Variants in ARFGEF2 observed in about 807,000 individuals in gnomAD.
ARFGEF2 encodes brefeldin A-inhibited guanine nucleotide-exchange protein 2.
In ARFGEF2, 74 loss-of-function variants were observed where a neutral mutation model predicts 219.9. The ratio of observed to expected loss-of-function variants is 0.34; its 90% CI spans 0.28 to 0.41. ARFGEF2 has a LOEUF of 0.41. Among genes scored for constraint, ARFGEF2 ranks in the 10% least tolerant of loss-of-function variants. ARFGEF2 has a pLI of 1.00. For missense variants in ARFGEF2, 1,743 were observed against 2,218.3 expected, an observed-to-expected ratio of 0.79 and a Z score of 4.30; for synonymous variants, 733 against 799.2, an observed-to-expected ratio of 0.92 and a Z score of 1.40.
intron 3 of ARFGEF2, among the ~76,000 whole-genome samples, chr20:48,944,013 A>T (rs1186108273): frequency 1.3e-5 from 2 of 152,200 alleles, no homozygotes; most frequent in Non-Finnish European, 2.9e-5. Context: ...CTCTGGTCTA[A>T]TATTTACTCT....
At chr20:48,930,996 G>C (rs948264313) in intron 1 of ARFGEF2, among the ~76,000 whole-genome samples, 7 of 152,302 alleles carry the variant, frequency 4.6e-5, no homozygotes, top group Admixed American at 4.6e-4. Flanking sequence ...AGGTCAGTAA[G>C]GTGAAATGCT....
chr20:49,009,806 G>T (rs1323402431), intron 26 of ARFGEF2, among the ~76,000 whole-genome samples: 1 of 152,176 alleles, frequency 6.6e-6, no homozygotes, highest in Non-Finnish European at 1.5e-5. Flanking sequence ...ATTATCTCTA[G>T]GTGGCAGAAT....
chr20:48,987,897 C>T (rs1002550770), intron 16 of ARFGEF2, among the ~76,000 whole-genome samples: 2 of 152,178 alleles, frequency 1.3e-5, no homozygotes, highest in Admixed American at 1.3e-4. Flanking sequence ...AGGCAATTCT[C>T]CTGCCTCAGT....
At chr20:49,009,899 G>A (rs2091485827) in intron 26 of ARFGEF2, among the ~76,000 whole-genome samples, 1 of 152,182 alleles carries the variant, frequency 6.6e-6, no homozygotes, top group Non-Finnish European at 1.5e-5. Flanking sequence ...TTCGTAACAA[G>A]AAAGAAGTCA....
rs748682883 is a variant in ARFGEF2 at position 48,994,532 on chromosome 20, C to A, written c.3055C>A (p.Arg1019Ser). The stretch of plus-strand genomic sequence containing the variant: ...GACGCGCTACCTGTCTGGATCTGGG[C>A]GTGAAAGAGAAGGGAGCCTGAAGGG... ...VKTRYLSGSGREREGSLKGHT... is the reference protein window; with the variant it reads ...VKTRYLSGSGSEREGSLKGHT... The change falls in exon 22 of 39, where the codon CGT (arginine) becomes AGT (serine). Residue 1019 changes from arginine to serine, a missense_variant. Coordinates refer to ENST00000371917, the MANE Select transcript of ARFGEF2 (RefSeq NM_006420.3). 1.9e-6 allele frequency: 3 copies of A among 1,613,996 alleles called. No homozygotes were observed. Among genetic ancestry groups the A allele is most frequent in the Admixed American group, 3.3e-5 (2 of 59,996 alleles).
In ARFGEF2 at chr20:48,987,067, G is replaced by T. The variant is rs2091330609; in HGVS notation, c.2277-1237G>T. ...TTTGTTTTCATATTAATTGCTCCCA[G>T]TCTTCCAAGTGTATGGCAGGCTGTC... On this transcript the variant is annotated intron_variant, in intron 16 of 38. Transcript: ENST00000371917. 1.3e-5 allele frequency among the ~76,000 whole-genome samples: 2 copies of T among 152,140 alleles called. 1 individual carries two copies. Among genetic ancestry groups the T allele is most frequent in the Admixed American group, 1.3e-4 (2 of 15,270 alleles).
chr20:48,952,917 A>G, intron 5 of ARFGEF2, 33 bp downstream of exon 5: 1 of 1,608,660 alleles, frequency 6.2e-7, no homozygotes, highest in Non-Finnish European at 8.5e-7. Flanking sequence ...TAGGGGCAAG[A>G]CATCATTGCT....
intron 19 of ARFGEF2, 56 bp downstream of exon 19, chr20:48,989,492 C>T: frequency 1.2e-6 from 2 of 1,614,194 alleles, no homozygotes; most frequent in Non-Finnish European, 1.7e-6. Flanking sequence ...TGAAGCTGGC[C>T]AGCGAGAAGT....
intron 3 of ARFGEF2, among the ~76,000 whole-genome samples, chr20:48,942,357 C>T (rs528127316): frequency 6.6e-6 from 1 of 152,060 alleles, no homozygotes; most frequent in South Asian, 2.1e-4. Context: ...GCTATGTTGC[C>T]CAGGCTGGTC....
intron 26 of ARFGEF2, among the ~76,000 whole-genome samples, chr20:49,009,933 C>G (rs1468044008): frequency 4.6e-5 from 7 of 152,234 alleles, no homozygotes; most frequent in Non-Finnish European, 1.0e-4. Flanking sequence ...AACTTTGGTT[C>G]CATGGCCTGG....
rs1394516987 is a variant in ARFGEF2, at chr20:49,016,295, A to G, written c.4195A>G (p.Thr1399Ala). ...GTTTTCCCAGAAATCTGAGTGGATG[A>G]CAACAACCTGCAATCACGCACTTTA... ...EQLSEKSEWM[T>A]TTCNHALYAI... is the part of the protein sequence containing the mutation. The change falls in exon 31 of 39, where the codon ACA (threonine) becomes GCA (alanine). Residue 1399 changes from threonine (T) to alanine (A), a missense_variant. Thr to Ala is a moderately conservative substitution (Grantham distance 58, BLOSUM62 0). Coordinates refer to ENST00000371917, the MANE Select transcript of ARFGEF2 (RefSeq NM_006420.3). 2 of 1,614,036 alleles carry G rather than the reference A, an allele frequency of 1.2e-6. No homozygotes were observed. Among genetic ancestry groups the G allele is most frequent in the Non-Finnish European group, 1.7e-6 (2 of 1,179,980 alleles).
chr20:48,996,693 G>A (rs1359504604), intron 23 of ARFGEF2, among the ~76,000 whole-genome samples: 1 of 150,016 alleles, frequency 6.7e-6, no homozygotes, highest in African/African-American at 2.5e-5. Flanking sequence ...GTAGTGGGCC[G>A]AGATCGCGCC....
chr20:49,021,993 C>A (rs1307139654), intron 34 of ARFGEF2, among the ~76,000 whole-genome samples: 1 of 151,108 alleles, frequency 6.6e-6, no homozygotes, highest in Non-Finnish European at 1.5e-5. Context: ...CCTAAAATTA[C>A]AAAAAACTAG....
Position 49,016,393 on chromosome 20 carries a change from A to G in ARFGEF2, c.4293A>G (p.Gln1431=), listed in dbSNP as rs766942298. ...TTCTTCTTTCTGATGTATTTGCACA[A>G]TTGCAGTGGTGTGTCAAACAAGGTA... ...NEVLLSDVFA[Q]LQWCVKQDNE... Residue 1431 remains glutamine, a synonymous_variant, in exon 31 of 39, where the codon CAA becomes CAG. Coordinates refer to ENST00000371917, the MANE Select transcript of ARFGEF2 (RefSeq NM_006420.3). 5.0e-6 allele frequency: 8 copies of G among 1,613,266 alleles called. No individual in the cohort carries two copies. The highest frequency in any genetic ancestry group is 1.7e-4 in the Middle Eastern group (1 of 6,054).
At chr20:48,925,326 C>G (rs745537576) in intron 1 of ARFGEF2, among the ~76,000 whole-genome samples, 1 of 152,184 alleles carries the variant, frequency 6.6e-6, no homozygotes, top group Non-Finnish European at 1.5e-5. Context: ...TACTGTTGCT[C>G]TTTACCTTGT....
chr20:49,012,009 C>A lies in ARFGEF2; in HGVS notation c.3843C>A (p.Ala1281=). ...GCTTATCAGAGTTCGCCTGCAACGCCGCTTTCCCTGACACGAGCATGGAAG... is the reference window on the plus strand; with the variant it reads ...GCTTATCAGAGTTCGCCTGCAACGCAGCTTTCCCTGACACGAGCATGGAAG... ...VKCLSEFACN[A]AFPDTSMEAI... Residue 1281 remains alanine, a synonymous_variant, in exon 28 of 39, where the codon GCC becomes GCA. Coordinates refer to ENST00000371917, the MANE Select transcript of ARFGEF2 (RefSeq NM_006420.3). The A allele has an allele frequency of 6.2e-7, 1 of 1,614,228 alleles. No homozygotes were observed.
At chr20:48,998,963 C>T (rs972475769) in intron 25 of ARFGEF2, among the ~76,000 whole-genome samples, 10 of 152,102 alleles carry the variant, frequency 6.6e-5, no homozygotes, top group Admixed American at 6.6e-4. Flanking sequence ...TTGGGCCGGG[C>T]GTAGTGGCTC....
chr20:48,933,294 C>A (rs2090924919), intron 1 of ARFGEF2, among the ~76,000 whole-genome samples: 1 of 152,192 alleles, frequency 6.6e-6, no homozygotes, highest in Non-Finnish European at 1.5e-5. Context: ...GCACCGTCCT[C>A]CTTCTGTCAT....
chr20:48,969,635 C>G (rs1169117961), intron 9 of ARFGEF2, among the ~76,000 whole-genome samples: 2 of 152,224 alleles, frequency 1.3e-5, no homozygotes, highest in African/African-American at 2.4e-5. Context: ...GTTCCCTGTT[C>G]TGTTGGAAAC....
Sources: allele counts gnomAD v4.1 joint callset (sites outside exome capture counted in the v4.1 genomes callset), GRCh38; gene constraint gnomAD v4.1.1; transcripts MANE v1.5; gene names NCBI Gene and HGNC (gene_info 2026-07-23, HGNC 2026-07-21).